The following XPO6 variants were observed in gnomAD, a reference collection of about 807,000 sequenced individuals.
XPO6 encodes the protein exportin-6.
Under a neutral mutation model 130.0 loss-of-function variants are expected in XPO6, and 3 were observed. That is an observed-to-expected ratio of 0.02 (90% CI 0.01 to 0.06). The LOEUF (loss-of-function observed/expected upper bound fraction) is 0.06. XPO6 is among the 10% of genes least tolerant of loss of function. The probability of loss-of-function intolerance (pLI) is 1.00; values close to 1 mark genes in which losing one functional copy is unlikely to be tolerated. For missense variants in XPO6, 970 were observed against 1,393.0 expected (o/e 0.70, Z 4.83); for synonymous variants, 524 against 548.9 (o/e 0.95, Z 0.63).
chr16:28,156,622 A>C, intron 6 of XPO6, 95 bp from the exon 7 acceptor site: 1 of 726,724 alleles, frequency 1.4e-6, no homozygotes, highest in Non-Finnish European at 2.0e-6. Flanking sequence ...ATATATATGT[A>C]TACATATATG....
At chr16:28,200,734 AGAG>A (rs2043941295) in intron 1 of XPO6, among the ~76,000 whole-genome samples, 1 of 152,138 alleles carries the variant, frequency 6.6e-6, no homozygotes, top group Non-Finnish European at 1.5e-5. Flanking sequence ...GCCCAGATGA[AGAG>A]AACACTAGGT....
intron 9 of XPO6, among the ~76,000 whole-genome samples, chr16:28,143,387 C>T (rs187128862): frequency 1.3e-5 from 2 of 152,352 alleles, no homozygotes; most frequent in East Asian, 3.9e-4. Context: ...AGGTATTTTA[C>T]ATACATGATT....
At chr16:28,144,577 C>G (rs2042950896) in intron 9 of XPO6, among the ~76,000 whole-genome samples, 1 of 152,182 alleles carries the variant, frequency 6.6e-6, no homozygotes. Context: ...CATCTAGGTC[C>G]TGTTTAGAAT....
intron 1 of XPO6, among the ~76,000 whole-genome samples, chr16:28,191,301 G>C (rs1298890945): frequency 1.3e-5 from 2 of 152,132 alleles, no homozygotes; most frequent in Non-Finnish European, 2.9e-5. Flanking sequence ...GCCAAAAAAA[G>C]TAAATGATAA....
At chr16:28,110,658 G>GGAT (rs1383122467) in intron 17 of XPO6, among the ~76,000 whole-genome samples, 17 of 152,210 alleles carry the variant, frequency 1.1e-4, no homozygotes, top group Admixed American at 6.5e-5. Context: ...CACAACAGCT[G>GGAT]GATGCAAGCC....
At chr16:28,201,775 A>C (rs57642471) in intron 1 of XPO6, among the ~76,000 whole-genome samples, 8,275 of 152,226 alleles carry the variant, frequency 0.054, 575 homozygotes, top group East Asian at 0.17. Context: ...AGAATGCTTG[A>C]ACCCAGGAGG....
At chr16:28,175,751 T>C (rs8063776) in intron 4 of XPO6, 147 bp downstream of exon 4, 27,094 of 669,826 alleles carry the variant, frequency 0.04, 2,139 homozygotes, top group East Asian at 0.19. Context: ...CTTATAAATA[T>C]AAAGTGAATG....
Position 28,175,903 on chromosome 16 carries a change from A to G in XPO6, c.400T>C (p.Leu134=). 6.2e-7 allele frequency: 1 copy of G among 1,613,996 alleles called. No homozygotes were observed. Among genetic ancestry groups the G allele is most frequent in the African/African-American group, 1.3e-5 (1 of 75,058 alleles). The stretch of plus-strand genomic sequence containing the variant: ...TTCCTTAGGCATATCCTTACCTGTA[A>G]AATGTTAGTAAAAAAGTCGTGGTAG... ...MFYHDFFTNI[L]QLIQSPVTTP... Residue 134 remains leucine (L), a synonymous_variant, in exon 4 of 24, where the codon TTA becomes CTA. Coordinates refer to ENST00000304658, the MANE Select transcript of XPO6 (RefSeq NM_015171.4).
intron 7 of XPO6, chr16:28,154,176 T>C: frequency 1.8e-5 from 18 of 980,724 alleles, no homozygotes; most frequent in Non-Finnish European, 2.2e-5. Flanking sequence ...TACCGCATGA[T>C]AGTTTTACAT....
At chr16:28,195,569 A>G (rs1024158184) in intron 1 of XPO6, among the ~76,000 whole-genome samples, 1 of 152,168 alleles carries the variant, frequency 6.6e-6, no homozygotes, top group African/African-American at 2.4e-5. Context: ...CCTGGTCAAC[A>G]TGGTGAAACC....
intron 2 of XPO6, among the ~76,000 whole-genome samples, chr16:28,180,308 T>C (rs900731520): frequency 1.3e-5 from 2 of 152,158 alleles, no homozygotes; most frequent in African/African-American, 4.8e-5. Flanking sequence ...GAGGTTGCAG[T>C]GAGCCGAGAT....
intron 4 of XPO6, 89 bp downstream of exon 4, chr16:28,175,809 A>G: frequency 8.2e-7 from 1 of 1,212,568 alleles, no homozygotes; most frequent in South Asian, 1.3e-5. Flanking sequence ...CCAAACTGCT[A>G]ATCTTAAAAG....
chr16:28,107,986 A>C (rs999559409), intron 17 of XPO6, among the ~76,000 whole-genome samples: 1 of 152,168 alleles, frequency 6.6e-6, no homozygotes, highest in Non-Finnish European at 1.5e-5. Flanking sequence ...AGTCCACAGA[A>C]GAAAAAAGAT....
chr16:28,167,293 T>G, intron 5 of XPO6: 1 of 985,396 alleles, frequency 1.0e-6, no homozygotes, highest in Non-Finnish European at 1.2e-6. Context: ...AACTCAACTT[T>G]TCGTTCCCCA....
chr16:28,135,410 T>C, intron 9 of XPO6, 86 bp from the exon 10 acceptor site: 2 of 1,054,820 alleles, frequency 1.9e-6, no homozygotes, highest in East Asian at 2.4e-5. Flanking sequence ...AAAGAAATGG[T>C]GTCTATGTTG....
intron 1 of XPO6, among the ~76,000 whole-genome samples, chr16:28,181,376 A>G (rs2043611800): frequency 6.6e-6 from 1 of 152,220 alleles, no homozygotes; most frequent in African/African-American, 2.4e-5. Context: ...GAGAGATTCA[A>G]GAAGGCCAGA....
intron 4 of XPO6, among the ~76,000 whole-genome samples, chr16:28,170,119 G>A (rs1228299048): frequency 6.6e-6 from 1 of 152,008 alleles, no homozygotes; most frequent in Non-Finnish European, 1.5e-5. Context: ...GATCACCTGA[G>A]GTCGGGAGTT....
intron 1 of XPO6, among the ~76,000 whole-genome samples, chr16:28,186,335 T>C: frequency 6.6e-6 from 1 of 150,774 alleles, no homozygotes; most frequent in East Asian, 1.9e-4. Flanking sequence ...TACCGCCAGA[T>C]AAATTCTCTT....
At chr16:28,142,729 C>T (rs2042916553) in intron 9 of XPO6, among the ~76,000 whole-genome samples, 2 of 152,112 alleles carry the variant, frequency 1.3e-5, no homozygotes, top group African/African-American at 4.8e-5. Context: ...CACCACCATG[C>T]CTGGATAATT....
Sources: allele counts gnomAD v4.1 joint callset (sites outside exome capture counted in the v4.1 genomes callset), GRCh38; gene constraint gnomAD v4.1.1; transcripts MANE v1.5; gene names NCBI Gene and HGNC (gene_info 2026-07-23, HGNC 2026-07-21).